The following RBFOX1 variants were observed in gnomAD, a reference collection of about 807,000 sequenced individuals.
The protein encoded by RBFOX1 is RNA binding fox-1 homolog 1.
Under a neutral mutation model 57.7 loss-of-function variants are expected in RBFOX1, and 8 were observed. The ratio of observed to expected loss-of-function variants is 0.14; its 90% CI spans 0.08 to 0.25. RBFOX1 has a LOEUF of 0.25. RBFOX1 is among the 10% of genes least tolerant of loss of function. The pLI is 1.00. For synonymous variants in RBFOX1, 326 were observed against 222.4 expected, an observed-to-expected ratio of 1.47 and a Z score of -4.15; for missense variants, 611 against 548.5, an observed-to-expected ratio of 1.11 and a Z score of -1.14.
chr16:7,589,817 T>C (rs1271214220), intron 7 of RBFOX1, among the ~76,000 whole-genome samples: 2 of 151,846 alleles, frequency 1.3e-5, no homozygotes, highest in Non-Finnish European at 2.9e-5. Flanking sequence ...AGGAAATGAG[T>C]GGGCCCTTAC....
At chr16:6,845,252 G>T (rs557453105) in intron 3 of RBFOX1, among the ~76,000 whole-genome samples, 1 of 151,690 alleles carries the variant, frequency 6.6e-6, no homozygotes, top group Non-Finnish European at 1.5e-5. Context: ...ATCCTTGCCC[G>T]TACCTGTGTC....
intron 4 of RBFOX1, among the ~76,000 whole-genome samples, chr16:7,498,993 A>G (rs774179325): frequency 2.0e-5 from 3 of 152,212 alleles, no homozygotes; most frequent in Non-Finnish European, 4.4e-5. Flanking sequence ...CTCAAACTCC[A>G]TGAAGTAGAC....
intron 3 of RBFOX1, among the ~76,000 whole-genome samples, chr16:6,812,330 A>G (rs1030838050): frequency 6.6e-6 from 1 of 152,248 alleles, no homozygotes; most frequent in Non-Finnish European, 1.5e-5. Context: ...AGGAAACACA[A>G]TGCAAAGTGC....
intron 3 of RBFOX1, among the ~76,000 whole-genome samples, chr16:5,657,352 C>A (rs2049463067): frequency 6.6e-6 from 1 of 152,178 alleles, no homozygotes; most frequent in African/African-American, 2.4e-5. Context: ...CACACTTAAT[C>A]CACATTATAA....
chr16:7,643,818 C>T (rs1377228274), intron 11 of RBFOX1, among the ~76,000 whole-genome samples: 1 of 152,162 alleles, frequency 6.6e-6, no homozygotes, highest in Non-Finnish European at 1.5e-5. Context: ...TTCCAGGTGT[C>T]TTGAAATCTC....
In RBFOX1 at chr16:7,610,118, C is replaced by CTTTTTTTTTTTTTTTTTTTTTTT. The variant is rs34468596; in HGVS notation, c.676+2801_676+2802insTTTTTTTTTTTTTTTTTTTTTTT. ...GGTGTGAGCCACTGCGCCCGGCCCC[C>CTTTTTTTTTTTTTTTTTTTTTTT]TTTTTTTTTTTTTTTTTTTTTGAGG... On this transcript the variant is annotated intron_variant, in intron 10 of 15. Transcript: ENST00000550418. 4.4e-4 allele frequency among the ~76,000 whole-genome samples: 29 copies of CTTTTTTTTTTTTTTTTTTTTTTT among 65,614 alleles called. 6 individuals carry two copies. Among genetic ancestry groups the CTTTTTTTTTTTTTTTTTTTTTTT allele is most frequent in the African/African-American group, 1.1e-3 (14 of 12,430 alleles). 43.0% of individuals were successfully genotyped at this position (65,614 alleles called of 152,430 possible). A position where few individuals can be genotyped will look rare whatever the true frequency, so the allele number is the denominator to read the frequency against.
At chr16:7,154,857 A>G (rs2076779554) in intron 4 of RBFOX1, among the ~76,000 whole-genome samples, 1 of 152,158 alleles carries the variant, frequency 6.6e-6, no homozygotes. Flanking sequence ...TGAAGTTTGT[A>G]TTGTTATGAA....
At chr16:5,726,968 C>G (rs542399024) in intron 3 of RBFOX1, among the ~76,000 whole-genome samples, 3 of 152,056 alleles carry the variant, frequency 2.0e-5, no homozygotes, top group African/African-American at 7.2e-5. Flanking sequence ...ATTCAAACCT[C>G]GATGTGAAGG....
Position 6,816,005 on chromosome 16 carries a change from C to A in RBFOX1, c.-16+161355C>A, listed in dbSNP as rs144604376. ...TCCTTTGAGAAGAGTTTCTTTCTGCCTATTGTACCATTTAAAAATAATCGG... is the reference window on the plus strand; with the variant it reads ...TCCTTTGAGAAGAGTTTCTTTCTGCATATTGTACCATTTAAAAATAATCGG... On this transcript the variant is annotated intron_variant, in intron 3 of 15. Coordinates refer to ENST00000550418, the MANE Select transcript of RBFOX1 (RefSeq NM_018723.4). Among the ~76,000 whole-genome samples the A allele has an allele frequency of 4.1e-4, 63 of 152,190 alleles. 1 individual carries two copies. Among genetic ancestry groups the A allele is most frequent in the Admixed American group, 3.1e-3 (47 of 15,284 alleles).
At chr16:7,549,718 C>A (rs941609111) in intron 5 of RBFOX1, among the ~76,000 whole-genome samples, 1 of 152,096 alleles carries the variant, frequency 6.6e-6, no homozygotes, top group Admixed American at 6.5e-5. Flanking sequence ...GTCTTTCCAC[C>A]TTCTTCTGCC....
intron 3 of RBFOX1, among the ~76,000 whole-genome samples, chr16:5,841,668 G>A (rs2056629072): frequency 6.6e-6 from 1 of 152,166 alleles, no homozygotes; most frequent in South Asian, 2.1e-4. Flanking sequence ...AAACTCAGGT[G>A]TAAGTCATGG....
In RBFOX1 at chr16:5,947,865, G is replaced by A. The variant is rs1272699570; in HGVS notation, c.351+80530G>A. Among the ~76,000 whole-genome samples the A allele has an allele frequency of 6.6e-6, 1 of 152,184 alleles. No homozygotes were observed. The highest frequency in any genetic ancestry group is 2.4e-5 in the African/African-American group (1 of 41,438). ...TAAAAGTACCTGTTGTAATTACCGG[G>A]CCACCCGTAACGGGAGTTTATGTAA... On this transcript the variant is annotated intron_variant, in intron 4 of 19. Transcript: ENST00000641259. This position sits in a 1 kb window ranked among gnomAD's most constrained non-coding sequence, Gnocchi z 7.2.
intron 3 of RBFOX1, among the ~76,000 whole-genome samples, chr16:5,729,700 C>A (rs544861182): frequency 6.6e-6 from 1 of 152,046 alleles, no homozygotes; most frequent in Non-Finnish European, 1.5e-5. Context: ...GTAGGGCTGT[C>A]GGAAAGGCAC....
chr16:6,739,409 C>G (rs2071383416), intron 3 of RBFOX1, among the ~76,000 whole-genome samples: 1 of 152,042 alleles, frequency 6.6e-6, no homozygotes, highest in African/African-American at 2.4e-5. Flanking sequence ...GCAATTCACC[C>G]AATATGCAAT....
chr16:5,834,328 C>G (rs536194260), intron 3 of RBFOX1, among the ~76,000 whole-genome samples: 1 of 152,296 alleles, frequency 6.6e-6, no homozygotes, highest in East Asian at 1.9e-4. Flanking sequence ...GCTTAGATTT[C>G]AGTTATAAGT....
chr16:7,189,530 A>T lies in RBFOX1; in HGVS notation c.27+137432A>T, dbSNP rs370596618. Among the ~76,000 whole-genome samples, 112 of 137,826 alleles carry T rather than the reference A, an allele frequency of 8.1e-4. 1 individual carries two copies. In the Middle Eastern group the frequency reaches 0.015, roughly 19 times the overall value. The allele number at this position is 137,826 out of a possible 152,430, so 90.4% of individuals were successfully genotyped here. ...CTCCAGTTTAGAATACATTGCCCCCACTCCAAAACACTATGTCCCCCAAAA... is the reference window on the plus strand; with the variant it reads ...CTCCAGTTTAGAATACATTGCCCCCTCTCCAAAACACTATGTCCCCCAAAA... On this transcript the variant is annotated intron_variant, in intron 4 of 15. Transcript: ENST00000550418.
intron 3 of RBFOX1, among the ~76,000 whole-genome samples, chr16:6,950,364 C>G (rs1412029721): frequency 6.6e-6 from 1 of 151,658 alleles, no homozygotes; most frequent in Non-Finnish European, 1.5e-5. Flanking sequence ...GTGTGGATCT[C>G]TGTCCCTCTG....
At chr16:7,354,316 T>C (rs1348069413) in intron 4 of RBFOX1, among the ~76,000 whole-genome samples, 1 of 152,228 alleles carries the variant, frequency 6.6e-6, no homozygotes, top group Non-Finnish European at 1.5e-5. Flanking sequence ...TATGAATTAT[T>C]ATTTCAAAAA....
At chr16:6,860,157 C>T (rs1464543118) in intron 3 of RBFOX1, among the ~76,000 whole-genome samples, 3 of 152,146 alleles carry the variant, frequency 2.0e-5, no homozygotes, top group Admixed American at 1.3e-4. Flanking sequence ...ATATGTTTTT[C>T]TTGCTTCATT....
Sources: allele counts gnomAD v4.1 joint callset (sites outside exome capture counted in the v4.1 genomes callset), GRCh38; gene constraint gnomAD v4.1.1; non-coding constraint Gnocchi (gnomAD v3.1); transcripts MANE v1.5; gene names NCBI Gene and HGNC (gene_info 2026-07-23, HGNC 2026-07-21).